MAP3K15: variants seen among roughly 807,000 people sequenced by gnomAD.
MAP3K15 encodes mitogen-activated protein kinase kinase kinase 15.
MAP3K15 carries 124 observed loss-of-function variants against 99.5 expected under a neutral mutation model. The observed-to-expected ratio is 1.25, with a 90% CI of 1.08 to 1.45. The LOEUF is 1.45. MAP3K15 is among the 40% of genes most tolerant of loss of function. MAP3K15 has a pLI of 0.00. For missense variants in MAP3K15, 1,242 were observed against 1,079.7 expected, an observed-to-expected ratio of 1.15 and a Z score of -2.11; for synonymous variants, 494 against 439.6, an observed-to-expected ratio of 1.12 and a Z score of -1.55.
rs375093117 is a variant in MAP3K15, at chrX:19,464,317, G to A, written c.615C>T (p.Ala205=). The change falls in exon 4 of 29, where the codon GCC becomes GCT. Residue 205 remains alanine, a synonymous_variant. Coordinates refer to ENST00000338883, the MANE Select transcript of MAP3K15 (RefSeq NM_001001671.4). ...FCCESDAQRR[A]SEYMQPNWDN... Reference sequence around the variant, plus strand: ...CCCAGTTGGGCTGCATGTACTCGGAGGCTCGTCTCTGGGCATCACTCTCGC... The same window carrying A: ...CCCAGTTGGGCTGCATGTACTCGGAAGCTCGTCTCTGGGCATCACTCTCGC... 3 of 1,199,398 alleles carry A rather than the reference G, an allele frequency of 2.5e-6. No homozygotes were observed. The highest frequency in any genetic ancestry group is 1.7e-5 in the African/African-American group (1 of 57,701).
rs1047109372 is a variant in MAP3K15, at chrX:19,382,244, CA to C, written c.2432-1968del. ...TGGCGACAGAGCGAGACTCAGTCTC[CA>C]AAAAAAAAAAAAAAAAAAAAAAGGA... On this transcript the variant is annotated intron_variant, in intron 18 of 28. Coordinates refer to ENST00000338883, the MANE Select transcript of MAP3K15 (RefSeq NM_001001671.4). Among the ~76,000 whole-genome samples, 287 of 31,524 alleles carry C rather than the reference CA, an allele frequency of 9.1e-3. 1 individual carries two copies. The highest frequency in any genetic ancestry group is 0.025 in the African/African-American group (232 of 9,100). 27.4% of individuals were successfully genotyped at this position (31,524 alleles called of 115,157 possible). A position where few individuals can be genotyped will look rare whatever the true frequency, so the allele number is the denominator to read the frequency against.
rs185663538 is a variant in MAP3K15 at position 19,424,654 on chromosome X, A to G, written c.1439+877T>C. 2.9e-3 allele frequency among the ~76,000 whole-genome samples: 318 copies of G among 109,367 alleles called. 1 individual carries two copies. The highest frequency in any genetic ancestry group is 0.01 in the African/African-American group (303 of 30,109). 95.0% of individuals were successfully genotyped at this position (109,367 alleles called of 115,157 possible). A position where few individuals can be genotyped will look rare whatever the true frequency, so the allele number is the denominator to read the frequency against. ...TGTGTTTTCTTTCTTTATTTTACCT[A>G]TTTATTTTTGAGACAGGGTCTCACT... On this transcript the variant is annotated intron_variant, in intron 9 of 28. Coordinates refer to ENST00000338883, the MANE Select transcript of MAP3K15 (RefSeq NM_001001671.4).
At chrX:19,377,996 G>A (rs1175399723) in intron 19 of MAP3K15, among the ~76,000 whole-genome samples, 1 of 112,190 alleles carries the variant, frequency 8.9e-6, no homozygotes, top group Admixed American at 9.4e-5. Flanking sequence ...GGGCTGGAGA[G>A]AGCAGCCAAG....
At chrX:19,445,667 G>A (rs928125099) in intron 6 of MAP3K15, among the ~76,000 whole-genome samples, 2 of 109,321 alleles carry the variant, frequency 1.8e-5, no homozygotes, top group Non-Finnish European at 3.8e-5. Context: ...CAAAGGCCAG[G>A]TGTAGCGGCT....
intron 13 of MAP3K15, among the ~76,000 whole-genome samples, chrX:19,404,534 A>G (rs1288303150): frequency 8.9e-6 from 1 of 112,262 alleles, no homozygotes; most frequent in African/African-American, 3.2e-5. Flanking sequence ...AAGCATCCAC[A>G]ATAACCAAAA....
intron 6 of MAP3K15, among the ~76,000 whole-genome samples, chrX:19,443,019 C>T (rs1231234467): frequency 2.0e-5 from 1 of 50,028 alleles, no homozygotes; most frequent in African/African-American, 7.3e-5. Context: ...CCACCATGCC[C>T]GGCTTTTTTT....
Position 19,415,373 on chromosome X carries a change from T to C in MAP3K15, c.1440-116A>G, listed in dbSNP as rs1321336372. 4 of 692,678 alleles carry C rather than the reference T, an allele frequency of 5.8e-6. No homozygotes were observed. In the African/African-American group the frequency reaches 8.9e-5, roughly 15 times the overall value. 57.1% of individuals were successfully genotyped at this position (692,678 alleles called of 1,213,427 possible). On this transcript the variant is annotated intron_variant, in intron 9 of 28. Transcript: ENST00000338883. ...ATTCACTTAAATTCATATTATGTCA[T>C]GAGTGCTTCATAAACGACTGCTCAG... is the stretch of plus-strand genomic sequence containing the variant.
chrX:19,418,267 C>G lies in MAP3K15; in HGVS notation c.1440-3010G>C, dbSNP rs188127326. Among the ~76,000 whole-genome samples the G allele has an allele frequency of 4.5e-3, 495 of 110,710 alleles. 2 individuals are homozygous for G. The highest frequency in any genetic ancestry group is 0.015 in the African/African-American group (464 of 30,448). On this transcript the variant is annotated intron_variant, in intron 9 of 28. Coordinates refer to ENST00000338883, the MANE Select transcript of MAP3K15 (RefSeq NM_001001671.4). ...CCGAGCTAAAGGAGGAAGTTCGAAC[C>G]CATGGCAAAGAAGTTAAAAACCTTG...
chrX:19,423,310 C>T (rs1465974889), intron 9 of MAP3K15, among the ~76,000 whole-genome samples: 2 of 110,722 alleles, frequency 1.8e-5, no homozygotes, highest in Non-Finnish European at 3.8e-5. Context: ...CCCACCATCA[C>T]GCCTACCTCC....
chrX:19,380,263 T>G lies in MAP3K15; in HGVS notation c.2446A>C (p.Met816Leu). Reference sequence around the variant, plus strand: ...CCTTGGTCAATTATCTCAGGTGCCATGTACTGCAGGGTGCCTATTTGGAAA... The same window carrying G: ...CCTTGGTCAATTATCTCAGGTGCCAGGTACTGCAGGGTGCCTATTTGGAAA... ...TETFTGTLQY[M>L]APEIIDQGPR... The change falls in exon 19 of 29, where the codon ATG becomes CTG. Residue 816 changes from methionine to leucine, a missense_variant. Met to Leu is a conservative substitution (Grantham distance 15). Transcript: ENST00000338883. The G allele has an allele frequency of 8.3e-7, 1 of 1,208,738 alleles. No individual in the cohort carries two copies. Among genetic ancestry groups the G allele is most frequent in the Non-Finnish European group, 1.1e-6 (1 of 894,647 alleles).
At chrX:19,366,788 C>T (rs1006026804) in intron 25 of MAP3K15, among the ~76,000 whole-genome samples, 11 of 112,074 alleles carry the variant, frequency 9.8e-5, no homozygotes, top group Non-Finnish European at 2.1e-4. Context: ...GGACAAGCAC[C>T]TTATGCAGGA....
intron 1 of MAP3K15, among the ~76,000 whole-genome samples, chrX:19,500,952 TA>T (rs1321506632): frequency 8.9e-6 from 1 of 112,084 alleles, no homozygotes; most frequent in Non-Finnish European, 1.9e-5. Flanking sequence ...ATGTCTCCAT[TA>T]AATGCTGCAG....
intron 18 of MAP3K15, among the ~76,000 whole-genome samples, chrX:19,385,294 A>G (rs7890976): frequency 0.038 from 4,242 of 111,127 alleles, 218 homozygotes; most frequent in African/African-American, 0.13. Context: ...GGGGGGCTTC[A>G]GTTTTTCATT....
intron 1 of MAP3K15, among the ~76,000 whole-genome samples, chrX:19,494,848 T>A (rs775512541): frequency 9.7e-5 from 10 of 103,266 alleles, no homozygotes; most frequent in Admixed American, 4.2e-4. Context: ...ATTGGACATA[T>A]GACAACACTA....
intron 7 of MAP3K15, among the ~76,000 whole-genome samples, chrX:19,427,796 AAGG>A (rs1358426114): frequency 1.8e-5 from 2 of 111,166 alleles, no homozygotes; most frequent in Non-Finnish European, 3.8e-5. Flanking sequence ...TAATTCTTGA[AAGG>A]AGAAGTTATC....
At chrX:19,445,878 C>A (rs1387357958) in intron 6 of MAP3K15, among the ~76,000 whole-genome samples, 2 of 109,551 alleles carry the variant, frequency 1.8e-5, no homozygotes, top group Non-Finnish European at 3.8e-5. Flanking sequence ...ACCCGGGAGG[C>A]AGAGATTGCA....
At chrX:19,465,100 C>T (rs1436718302) in intron 3 of MAP3K15, among the ~76,000 whole-genome samples, 1 of 110,542 alleles carries the variant, frequency 9.0e-6, no homozygotes, top group African/African-American at 3.3e-5. Context: ...TGCCATGTTG[C>T]CCAGGCTGGT....
chrX:19,474,077 A>G (rs2064224572), intron 3 of MAP3K15, among the ~76,000 whole-genome samples: 1 of 111,797 alleles, frequency 8.9e-6, no homozygotes, highest in Admixed American at 9.5e-5. Flanking sequence ...TTACTAGAAC[A>G]AATTTAAGGT....
At position 19,429,060 on chromosome X, in the gene MAP3K15, T is replaced by C. The variant is rs146526193; in HGVS notation, c.1166+2378A>G. ...AGAAAACAGGAACAGAGACAGGAGT[T>C]TGGAAAACTCCTTAGGAACTACAGT... On this transcript the variant is annotated intron_variant, in intron 7 of 28. Coordinates refer to ENST00000338883, the MANE Select transcript of MAP3K15 (RefSeq NM_001001671.4). Among the ~76,000 whole-genome samples the C allele has an allele frequency of 4.7e-3, 526 of 110,842 alleles. 6 individuals are homozygous for C. The highest frequency in any genetic ancestry group is 3.2e-3 in the Non-Finnish European group (171 of 52,978).
Sources: gnomAD v4.1 joint callset for allele counts (sites outside exome capture counted in the v4.1 genomes callset) on GRCh38, gnomAD v4.1.1 for gene constraint, MANE v1.5 for transcripts, NCBI Gene and HGNC (gene_info 2026-07-23, HGNC 2026-07-21) for gene names.